ESRRB: variants seen among roughly 807,000 people sequenced by gnomAD.
ESRRB encodes the protein steroid hormone receptor ERR2.
ESRRB carries 16 observed loss-of-function variants against 46.0 expected under a neutral mutation model. The observed-to-expected ratio is 0.35, with a 90% CI of 0.24 to 0.53. The LOEUF (loss-of-function observed/expected upper bound fraction) is 0.53, where lower values mean the gene tolerates loss of function less well. ESRRB is among the 20% of genes least tolerant of loss of function. ESRRB has a pLI of 0.93. For synonymous variants in ESRRB, 246 were observed against 259.6 expected (o/e 0.95, Z 0.50); for missense variants, 488 against 607.4 (o/e 0.80, Z 2.07).
At chr14:76,432,562 G>T (rs1051949804) in intron 1 of ESRRB, among the ~76,000 whole-genome samples, 3 of 152,068 alleles carry the variant, frequency 2.0e-5, no homozygotes. Flanking sequence ...GGGTGGGTTT[G>T]GGGGGTAAAG....
At chr14:76,374,634 A>G (rs1884702137), upstream of ESRRB, among the ~76,000 whole-genome samples, 1 of 152,284 alleles carries the variant, frequency 6.6e-6, no homozygotes, top group South Asian at 2.1e-4. Context: ...GGTCCTGGTG[A>G]GAGATGATGG....
chr14:76,400,143 C>T (rs998814026), intron 1 of ESRRB, among the ~76,000 whole-genome samples: 1 of 152,218 alleles, frequency 6.6e-6, no homozygotes, highest in Non-Finnish European at 1.5e-5. Flanking sequence ...CCCCCTCCTG[C>T]TCCTGGTACC....
chr14:76,395,527 C>A (rs1221858470), intron 1 of ESRRB, among the ~76,000 whole-genome samples: 1 of 152,168 alleles, frequency 6.6e-6, no homozygotes, highest in Admixed American at 6.5e-5. Context: ...CAACTCAACT[C>A]TCCCTTGGTG....
At chr14:76,395,159 G>A (rs983993360) in intron 1 of ESRRB, among the ~76,000 whole-genome samples, 1 of 152,192 alleles carries the variant, frequency 6.6e-6, no homozygotes, top group Non-Finnish European at 1.5e-5. Flanking sequence ...AGCTACCTGA[G>A]AATTAAGCCA....
chr14:76,463,445 G>GTTTTGTTTTGTTTTT (rs1555342250), intron 3 of ESRRB: 3 of 114,738 alleles, frequency 2.6e-5, no homozygotes, highest in African/African-American at 1.1e-4. Context: ...ATGCTTCTTT[G>GTTTTGTTTTGTTTTT]TTTTTTTTTT....
intron 1 of ESRRB, among the ~76,000 whole-genome samples, chr14:76,407,807 G>A (rs564650345): frequency 1.3e-5 from 2 of 152,364 alleles, no homozygotes; most frequent in Admixed American, 6.5e-5. Flanking sequence ...CAAAGCCAGT[G>A]AGACCCACGT....
intron 6 of ESRRB, among the ~76,000 whole-genome samples, chr14:76,495,764 G>C (rs1042915485): frequency 6.6e-6 from 1 of 152,054 alleles, no homozygotes; most frequent in East Asian, 1.9e-4. Flanking sequence ...TTAAAAAAAT[G>C]AAATTAAAAA....
At chr14:76,397,880 C>A (rs1471117682) in intron 1 of ESRRB, among the ~76,000 whole-genome samples, 1 of 152,208 alleles carries the variant, frequency 6.6e-6, no homozygotes, top group Non-Finnish European at 1.5e-5. Flanking sequence ...TATGTGCATG[C>A]AAAGTTGACC....
At chr14:76,372,001 A>G (rs1884636902), upstream of ESRRB, among the ~76,000 whole-genome samples, 3 of 152,318 alleles carry the variant, frequency 2.0e-5, no homozygotes, top group South Asian at 4.1e-4. Flanking sequence ...GAGGGAAGAT[A>G]CTACCAAGAC....
chr14:76,436,465 G>A (rs1164132902), intron 1 of ESRRB, among the ~76,000 whole-genome samples: 1 of 152,174 alleles, frequency 6.6e-6, no homozygotes, highest in East Asian at 1.9e-4. Context: ...AAGACCCCTG[G>A]GATCTGGGAG....
chr14:76,368,175 G>A (rs565419479), upstream of ESRRB, among the ~76,000 whole-genome samples: 86 of 137,622 alleles, frequency 6.2e-4, no homozygotes, highest in African/African-American at 1.9e-3. Flanking sequence ...GGGTTTCACC[G>A]TGTTAACCAG....
At position 76,416,414 on chromosome 14, in the gene ESRRB, G is replaced by A. The variant is rs76629738; in HGVS notation, c.51-22927G>A. Among the ~76,000 whole-genome samples the A allele has an allele frequency of 3.8e-3, 581 of 150,968 alleles. 6 individuals are homozygous for A. The highest frequency in any genetic ancestry group is 0.013 in the African/African-American group (544 of 41,130). ...GCTGGGATTACAGGCATGAACCTGC[G>A]CCCCGCCTCTATTTTTTTACTTATA... On this transcript the variant is annotated intron_variant, in intron 1 of 6. Coordinates refer to ENST00000644823, the MANE Select transcript of ESRRB (RefSeq NM_001379180.1).
At chr14:76,434,638 C>T (rs542673637) in intron 1 of ESRRB, among the ~76,000 whole-genome samples, 5 of 147,202 alleles carry the variant, frequency 3.4e-5, no homozygotes, top group South Asian at 2.2e-4. Flanking sequence ...CCAGCCTGGG[C>T]GACAGAGCCA....
chr14:76,385,059 T>C (rs987082614), intron 1 of ESRRB, among the ~76,000 whole-genome samples: 1 of 152,214 alleles, frequency 6.6e-6, no homozygotes, highest in Non-Finnish European at 1.5e-5. Flanking sequence ...AATGCTTCTG[T>C]TATTTCCTCT....
intron 1 of ESRRB, among the ~76,000 whole-genome samples, chr14:76,345,265 T>C (rs1237580169): frequency 6.6e-6 from 1 of 151,742 alleles, no homozygotes; most frequent in African/African-American, 2.4e-5. Context: ...ACCCACAGAG[T>C]GGGAGAAAAT....
chr14:76,405,032 C>T (rs550761786), intron 1 of ESRRB, among the ~76,000 whole-genome samples: 21 of 152,256 alleles, frequency 1.4e-4, no homozygotes, highest in African/African-American at 4.6e-4. Flanking sequence ...TACATAGACA[C>T]GAACTTTAAG....
rs1337071063 is a variant in ESRRB at position 76,498,639 on chromosome 14, A to G, written c.*181A>G. The G allele has an allele frequency of 8.4e-5, 35 of 415,826 alleles. No individual in the cohort carries two copies. Among genetic ancestry groups the G allele is most frequent in the Non-Finnish European group, 1.4e-4 (31 of 228,422 alleles). 25.8% of individuals were successfully genotyped at this position (415,826 alleles called of 1,614,324 possible). Reference sequence around the variant, plus strand: ...ACTCCCGGGTGCAGTGGGGTGGGGGACGGGGATGGGGGGGCAGGGGTGTGG... The same window carrying G: ...ACTCCCGGGTGCAGTGGGGTGGGGGGCGGGGATGGGGGGGCAGGGGTGTGG... On this transcript the variant is annotated 3_prime_UTR_variant, in exon 7 of 7. Coordinates refer to ENST00000644823, the MANE Select transcript of ESRRB (RefSeq NM_001379180.1).
chr14:76,484,817 G>C (rs956512198), intron 5 of ESRRB, among the ~76,000 whole-genome samples: 2 of 152,212 alleles, frequency 1.3e-5, no homozygotes, highest in Admixed American at 6.5e-5. Context: ...GTCCTTACTG[G>C]CCTTATGCAA....
intron 1 of ESRRB, among the ~76,000 whole-genome samples, chr14:76,350,668 G>A (rs1341135083): frequency 6.6e-6 from 1 of 152,204 alleles, no homozygotes; most frequent in Admixed American, 6.5e-5. Context: ...CCTCTGATGA[G>A]CCAGGTACAA....
Sources: gnomAD v4.1 joint callset for allele counts (sites outside exome capture counted in the v4.1 genomes callset) on GRCh38, gnomAD v4.1.1 for gene constraint, MANE v1.5 for transcripts, NCBI Gene and HGNC (gene_info 2026-07-23, HGNC 2026-07-21) for gene names.